Variants in C8orf34 observed in about 807,000 individuals in gnomAD.
C8orf34 encodes the protein uncharacterized protein C8orf34.
Under a neutral mutation model 68.3 loss-of-function variants are expected in C8orf34, and 65 were observed. The observed-to-expected ratio is 0.95, with a 90% CI of 0.78 to 1.17. The LOEUF is 1.17. Ranked by LOEUF, C8orf34 falls within the 50% of genes most tolerant of loss-of-function variation. The pLI, the probability that C8orf34 is intolerant of heterozygous loss-of-function variation, is 0.00. For missense variants in C8orf34, 664 were observed against 655.4 expected (o/e 1.01, Z -0.14); for synonymous variants, 244 against 241.2 (o/e 1.01, Z -0.11).
At chr8:68,605,985 ATC>A (rs1186445706) in intron 7 of C8orf34, among the ~76,000 whole-genome samples, 1 of 152,018 alleles carries the variant, frequency 6.6e-6, no homozygotes, top group Non-Finnish European at 1.5e-5. Flanking sequence ...TACACAGGGA[ATC>A]TCTGTACTTT....
intron 1 of C8orf34, among the ~76,000 whole-genome samples, chr8:68,385,010 T>C (rs75646193): frequency 2.8e-4 from 43 of 152,326 alleles, no homozygotes; most frequent in African/African-American, 1.0e-3. Flanking sequence ...AAATATGCAA[T>C]ATGCTTTTAA....
chr8:68,777,152 G>A (rs897116625), intron 11 of C8orf34, among the ~76,000 whole-genome samples: 3 of 152,316 alleles, frequency 2.0e-5, no homozygotes, highest in Admixed American at 1.3e-4. Flanking sequence ...GTTAAGAACC[G>A]CCTAAAAGGA....
chr8:68,580,016 T>A (rs1462602736), intron 7 of C8orf34, among the ~76,000 whole-genome samples: 1 of 152,108 alleles, frequency 6.6e-6, no homozygotes, highest in Non-Finnish European at 1.5e-5. Context: ...CTAAGACAAA[T>A]GAATTACTTT....
intron 3 of C8orf34, among the ~76,000 whole-genome samples, chr8:68,463,378 A>G (rs1811944125): frequency 1.3e-5 from 2 of 152,132 alleles, no homozygotes; most frequent in Admixed American, 6.5e-5. Flanking sequence ...AGGAACTGGT[A>G]CCATTCCTTC....
chr8:68,552,225 T>A (rs1816097561), intron 7 of C8orf34, among the ~76,000 whole-genome samples: 1 of 152,222 alleles, frequency 6.6e-6, no homozygotes, highest in East Asian at 1.9e-4. Context: ...TAGAGTCAAC[T>A]TAACTTCCTC....
At chr8:68,761,309 C>A (rs1464649747) in intron 10 of C8orf34, among the ~76,000 whole-genome samples, 1 of 152,130 alleles carries the variant, frequency 6.6e-6, no homozygotes, top group Admixed American at 6.5e-5. Flanking sequence ...AGTGGGGAAC[C>A]CCTTCTGTAG....
At chr8:68,670,249 C>T (rs1488219200) in intron 8 of C8orf34, among the ~76,000 whole-genome samples, 1 of 152,176 alleles carries the variant, frequency 6.6e-6, no homozygotes, top group Non-Finnish European at 1.5e-5. Context: ...GAAAGACTTT[C>T]TAATCTTCTC....
rs564236675 is a variant in C8orf34 at position 68,712,621 on chromosome 8, AT to A, written c.1327+3544del. On this transcript the variant is annotated intron_variant, in intron 9 of 13. Transcript: ENST00000518698. ...TGGAACATTATATAATGTTAAAAGGATTAGTTCAATAGGAAAATATCACAAT... is the reference window on the plus strand; with the variant it reads ...TGGAACATTATATAATGTTAAAAGGATAGTTCAATAGGAAAATATCACAAT... 1.6e-4 allele frequency among the ~76,000 whole-genome samples: 24 copies of A among 152,274 alleles called. No individual in the cohort carries two copies. The East Asian group carries it at 4.4e-3, about 28-fold the overall frequency.
intron 1 of C8orf34, among the ~76,000 whole-genome samples, chr8:68,345,348 A>G (rs1014469242): frequency 5.1e-4 from 78 of 152,088 alleles, no homozygotes; most frequent in African/African-American, 1.9e-3. Context: ...TTTATTATAT[A>G]TAAGTACTCC....
intron 5 of C8orf34, among the ~76,000 whole-genome samples, chr8:68,490,106 G>A (rs1426130042): frequency 6.6e-6 from 1 of 152,032 alleles, no homozygotes; most frequent in Non-Finnish European, 1.5e-5. Flanking sequence ...ACCCCAGCTG[G>A]TCTCCTTCTT....
intron 8 of C8orf34, among the ~76,000 whole-genome samples, chr8:68,656,009 G>A (rs746612585): frequency 2.6e-5 from 4 of 152,068 alleles, no homozygotes; most frequent in East Asian, 1.9e-4. Flanking sequence ...AAATTCTAGC[G>A]GTAAAATATA....
chr8:68,618,054 A>G (rs1015826108), intron 7 of C8orf34, among the ~76,000 whole-genome samples: 2 of 151,656 alleles, frequency 1.3e-5, no homozygotes, highest in Non-Finnish European at 1.5e-5. Flanking sequence ...TACCCTTCCT[A>G]TTTACCAATT....
chr8:68,512,207 T>C (rs1178760464), intron 5 of C8orf34, among the ~76,000 whole-genome samples: 1 of 152,216 alleles, frequency 6.6e-6, no homozygotes, highest in Non-Finnish European at 1.5e-5. Flanking sequence ...TTACCATAAC[T>C]TAACATAACA....
At position 68,330,977 on chromosome 8, in the gene C8orf34, G is replaced by T; in HGVS notation, c.-36G>T. 1 of 1,357,030 alleles carries T rather than the reference G, an allele frequency of 7.4e-7. No homozygotes were observed. Among genetic ancestry groups the T allele is most frequent in the Non-Finnish European group, 9.5e-7 (1 of 1,056,394 alleles). The allele number at this position is 1,357,030 out of a possible 1,614,324, so 84.1% of individuals were successfully genotyped here. Reference sequence around the variant, plus strand: ...CCCACTGCGCCGGGCGCTGCGGAGAGCGGCGAGGGTGGGCGCGAGGCGGAG... The same window carrying T: ...CCCACTGCGCCGGGCGCTGCGGAGATCGGCGAGGGTGGGCGCGAGGCGGAG... On this transcript the variant is annotated 5_prime_UTR_variant, in exon 1 of 14. Transcript: ENST00000518698.
At chr8:68,403,138 A>G (rs986038463) in intron 1 of C8orf34, among the ~76,000 whole-genome samples, 2 of 152,190 alleles carry the variant, frequency 1.3e-5, no homozygotes, top group Non-Finnish European at 2.9e-5. Flanking sequence ...TATGATGTTA[A>G]GTTGATAGTA....
At chr8:68,330,940 G>C (rs117404630), upstream of C8orf34, 1,865 of 1,191,576 alleles carry the variant, frequency 1.6e-3, 21 homozygotes, top group East Asian at 0.027. Context: ...AGGAACCTCT[G>C]CCTCGAATTT....
chr8:68,774,949 A>AAAAAAAAAAAAAAAAAAAAT, intron 10 of C8orf34, among the ~76,000 whole-genome samples: 1 of 145,768 alleles, frequency 6.9e-6, no homozygotes, highest in Non-Finnish European at 1.5e-5. Context: ...TCCACTAAAA[A>AAAAAAAAAAAAAAAAAAAAT]AAAAAAAAAA....
intron 1 of C8orf34, among the ~76,000 whole-genome samples, chr8:68,426,546 A>AAAG (rs1810230996): frequency 6.7e-6 from 1 of 149,190 alleles, no homozygotes. Flanking sequence ...AAAAAAGAAA[A>AAAG]CAGAAAAAAA....
chr8:68,381,738 CAAAAAA>C (rs769290635), intron 1 of C8orf34, among the ~76,000 whole-genome samples: 3 of 72,054 alleles, frequency 4.2e-5, no homozygotes, highest in Admixed American at 4.1e-4. Context: ...GACTCCGTCT[CAAAAAA>C]AAAAAAAAAA....
Sources: gnomAD v4.1 joint callset for allele counts (sites outside exome capture counted in the v4.1 genomes callset) on GRCh38, gnomAD v4.1.1 for gene constraint, MANE v1.5 for transcripts, NCBI Gene and HGNC (gene_info 2026-07-23, HGNC 2026-07-21) for gene names.